LRPPRC: variants seen among roughly 807,000 people sequenced by gnomAD.
LRPPRC encodes the protein leucine-rich PPR motif-containing protein, mitochondrial.
A neutral mutation model predicts 180.3 loss-of-function variants in LRPPRC; 120 were observed. The observed-to-expected ratio is 0.67, with a 90% CI of 0.57 to 0.77. LRPPRC has a LOEUF of 0.77. LRPPRC is among the 30% of genes least tolerant of loss of function. LRPPRC has a pLI of 0.00. For synonymous variants in LRPPRC, 723 were observed against 600.0 expected, an observed-to-expected ratio of 1.21 and a Z score of -3.00; for missense variants, 2,012 against 1,657.2, an observed-to-expected ratio of 1.21 and a Z score of -3.72.
At chr2:43,930,395 T>C (rs752574587) in intron 25 of LRPPRC, among the ~76,000 whole-genome samples, 1 of 152,178 alleles carries the variant, frequency 6.6e-6, no homozygotes, top group Non-Finnish European at 1.5e-5. Context: ...GTAACTACTA[T>C]ACGTTGAGTA....
intron 1 of LRPPRC, among the ~76,000 whole-genome samples, chr2:43,994,765 C>G (rs1553416515): frequency 6.6e-6 from 1 of 152,148 alleles, no homozygotes; most frequent in Non-Finnish European, 1.5e-5. Flanking sequence ...TATTAATAAC[C>G]AAATGAACAC....
intron 29 of LRPPRC, among the ~76,000 whole-genome samples, chr2:43,914,555 C>T (rs900588415): frequency 3.3e-5 from 5 of 151,712 alleles, no homozygotes; most frequent in African/African-American, 9.7e-5. Context: ...TAGTGAAACG[C>T]GGTCTATACC....
chr2:43,936,038 G>A (rs951837304), intron 23 of LRPPRC, among the ~76,000 whole-genome samples: 3 of 152,048 alleles, frequency 2.0e-5, no homozygotes, highest in South Asian at 4.1e-4. Context: ...AGCTGAGATC[G>A]TGCCATTGCA....
intron 29 of LRPPRC, among the ~76,000 whole-genome samples, chr2:43,913,471 C>G (rs1671335723): frequency 1.3e-5 from 2 of 152,140 alleles, no homozygotes; most frequent in African/African-American, 4.8e-5. Flanking sequence ...TTCAGAAGAA[C>G]ATTTTAAGCT....
At chr2:43,888,757 G>A in intron 37 of LRPPRC, 101 bp from the exon 38 acceptor site, 2 of 714,156 alleles carry the variant, frequency 2.8e-6, no homozygotes, top group East Asian at 2.7e-5. Flanking sequence ...AGCTAAGACT[G>A]CCAGGCCCAT....
At chr2:43,894,871 T>C (rs1156243817) in intron 35 of LRPPRC, among the ~76,000 whole-genome samples, 1 of 152,224 alleles carries the variant, frequency 6.6e-6, no homozygotes, top group Non-Finnish European at 1.5e-5. Context: ...ATGAATATTT[T>C]TCTAGAATAT....
chr2:43,934,651 C>T (rs1672207684), intron 24 of LRPPRC, 103 bp downstream of exon 24: 1 of 943,098 alleles, frequency 1.1e-6, no homozygotes, highest in Non-Finnish European at 1.6e-6. Flanking sequence ...GAAAGTTTAT[C>T]TGAATGTGCT....
chr2:43,927,631 C>T (rs1335880518), intron 25 of LRPPRC, among the ~76,000 whole-genome samples: 8 of 152,170 alleles, frequency 5.3e-5, no homozygotes, highest in Non-Finnish European at 1.0e-4. Context: ...CTTCAGAACA[C>T]GGCAAAATGC....
intron 1 of LRPPRC, among the ~76,000 whole-genome samples, chr2:43,990,308 T>A (rs6709791): frequency 0.2 from 30,953 of 152,054 alleles, 3,936 homozygotes; most frequent in African/African-American, 0.35. Context: ...CTGCTAACAC[T>A]CTCACCAATC....
chr2:43,892,777 G>A (rs779304409), intron 36 of LRPPRC: 3 of 151,838 alleles, frequency 2.0e-5, no homozygotes, highest in Non-Finnish European at 4.4e-5. Context: ...ACGCAAATGT[G>A]TAAAGCGTTC....
At chr2:43,984,939 A>G (rs925481337) in intron 1 of LRPPRC, among the ~76,000 whole-genome samples, 2 of 152,102 alleles carry the variant, frequency 1.3e-5, no homozygotes, top group African/African-American at 4.8e-5. Flanking sequence ...AATTACCCAT[A>G]AATGTTTTCT....
chr2:43,969,708 T>A (rs1452584637), intron 11 of LRPPRC, among the ~76,000 whole-genome samples: 3 of 152,186 alleles, frequency 2.0e-5, no homozygotes, highest in Admixed American at 6.5e-5. Flanking sequence ...TTTTTTTGTT[T>A]TTTGAAACAG....
chr2:43,969,289 G>A (rs1673698177), intron 11 of LRPPRC, among the ~76,000 whole-genome samples: 1 of 151,994 alleles, frequency 6.6e-6, no homozygotes, highest in South Asian at 2.1e-4. Flanking sequence ...GCGGGCGCCT[G>A]TAGTCCCAGC....
chr2:43,955,848 G>A (rs938376655), intron 14 of LRPPRC, among the ~76,000 whole-genome samples: 8 of 152,188 alleles, frequency 5.3e-5, no homozygotes, highest in African/African-American at 1.7e-4. Context: ...GGTAGACACA[G>A]TCTCAAATTA....
intron 23 of LRPPRC, among the ~76,000 whole-genome samples, chr2:43,938,303 T>C (rs1672348375): frequency 6.6e-6 from 1 of 152,180 alleles, no homozygotes; most frequent in Non-Finnish European, 1.5e-5. Flanking sequence ...GTATTTTGTT[T>C]GGTGCAAATT....
At chr2:43,992,688 G>T (rs1382097492) in intron 1 of LRPPRC, among the ~76,000 whole-genome samples, 1 of 152,166 alleles carries the variant, frequency 6.6e-6, no homozygotes, top group Non-Finnish European at 1.5e-5. Flanking sequence ...GGGGGGTGAA[G>T]GGAGTGAGAG....
At chr2:43,985,534 C>T (rs1013908874) in intron 1 of LRPPRC, among the ~76,000 whole-genome samples, 1 of 152,144 alleles carries the variant, frequency 6.6e-6, no homozygotes, top group Non-Finnish European at 1.5e-5. Flanking sequence ...TGATTTTTAC[C>T]TGTCTCTAGT....
chr2:43,958,712 C>T (rs926449161), intron 13 of LRPPRC, among the ~76,000 whole-genome samples: 3 of 152,172 alleles, frequency 2.0e-5, no homozygotes, highest in Non-Finnish European at 4.4e-5. Flanking sequence ...TACTCCAAAA[C>T]TTAATCAAGA....
intron 36 of LRPPRC, chr2:43,890,254 G>T (rs553834723): frequency 2.3e-6 from 1 of 429,390 alleles, no homozygotes; most frequent in African/African-American, 2.1e-5. Flanking sequence ...AAACCACTGT[G>T]AAATCAAGAT....
Sources: gnomAD v4.1 joint callset for allele counts (sites outside exome capture counted in the v4.1 genomes callset) on GRCh38, gnomAD v4.1.1 for gene constraint, MANE v1.5 for transcripts, NCBI Gene and HGNC (gene_info 2026-07-23, HGNC 2026-07-21) for gene names.